CTNNA1: variants seen among roughly 807,000 people sequenced by gnomAD.
CTNNA1 encodes the protein catenin alpha-1.
Under a neutral mutation model 98.4 loss-of-function variants are expected in CTNNA1, and 37 were observed. That is an observed-to-expected ratio of 0.38 (90% CI 0.29 to 0.49). The LOEUF is 0.49. Among genes scored for constraint, CTNNA1 ranks in the 20% least tolerant of loss-of-function variants. The pLI, the probability that CTNNA1 is intolerant of heterozygous loss-of-function variation, is 0.95. For synonymous variants in CTNNA1, 404 were observed against 413.2 expected, an observed-to-expected ratio of 0.98 and a Z score of 0.27; for missense variants, 761 against 1,147.2, an observed-to-expected ratio of 0.66 and a Z score of 4.86.
At chr5:138,776,975 G>A (rs556485029) in intron 1 of CTNNA1, among the ~76,000 whole-genome samples, 392 of 149,062 alleles carry the variant, frequency 2.6e-3, no homozygotes, top group African/African-American at 9.1e-3. Context: ...CCTCCCGGAC[G>A]GGGCGGCTGG....
At chr5:138,805,782 T>C (rs920284280) in intron 3 of CTNNA1, among the ~76,000 whole-genome samples, 3 of 151,720 alleles carry the variant, frequency 2.0e-5, no homozygotes, top group Non-Finnish European at 4.4e-5. Flanking sequence ...ATAAGAGTTC[T>C]TTATATATTC....
chr5:138,806,950 C>T (rs1024683038), intron 3 of CTNNA1, among the ~76,000 whole-genome samples: 4 of 149,922 alleles, frequency 2.7e-5, no homozygotes, highest in Non-Finnish European at 5.9e-5. Context: ...ACCACTTACT[C>T]TCTAGGTGGG....
intron 1 of CTNNA1, among the ~76,000 whole-genome samples, chr5:138,771,470 C>G (rs1302521752): frequency 6.6e-6 from 1 of 152,164 alleles, no homozygotes; most frequent in Non-Finnish European, 1.5e-5. Flanking sequence ...CAGCCTTGAC[C>G]TCTTGGGTTC....
intron 7 of CTNNA1, among the ~76,000 whole-genome samples, chr5:138,829,715 G>T (rs757291046): frequency 3.3e-5 from 5 of 152,204 alleles, no homozygotes; most frequent in Admixed American, 6.5e-5. Flanking sequence ...CTGGAACAAT[G>T]TGTGATGTGA....
At chr5:138,906,092 A>G (rs1291415432) in intron 10 of CTNNA1, among the ~76,000 whole-genome samples, 2 of 149,644 alleles carry the variant, frequency 1.3e-5, no homozygotes, top group African/African-American at 4.9e-5. Flanking sequence ...CTCGGTGGTT[A>G]TTAATCTGTC....
chr5:138,811,297 G>A (rs1758749591), intron 4 of CTNNA1, among the ~76,000 whole-genome samples: 2 of 140,840 alleles, frequency 1.4e-5, no homozygotes, highest in Non-Finnish European at 3.1e-5. Context: ...GGGCAGAGGC[G>A]CTCCCCACAT....
intron 11 of CTNNA1, among the ~76,000 whole-genome samples, chr5:138,923,151 A>G (rs1240453891): frequency 6.6e-6 from 1 of 152,168 alleles, no homozygotes; most frequent in Non-Finnish European, 1.5e-5. Flanking sequence ...TGCAAGTTTC[A>G]TCTTAACGGT....
intron 3 of CTNNA1, among the ~76,000 whole-genome samples, chr5:138,785,797 G>A (rs771979685): frequency 3.3e-5 from 5 of 151,936 alleles, no homozygotes; most frequent in Admixed American, 6.6e-5. Context: ...GTATTGCCTT[G>A]TTGGCAGGCT....
intron 9 of CTNNA1, among the ~76,000 whole-genome samples, chr5:138,893,927 A>T (rs577154710): frequency 1.6e-5 from 2 of 128,876 alleles, no homozygotes; most frequent in African/African-American, 3.0e-5. Context: ...TGGCCTATTT[A>T]TTTTTTTTGA....
intron 7 of CTNNA1, chr5:138,870,410 T>C (rs1765228823): frequency 6.6e-6 from 1 of 152,232 alleles, no homozygotes; most frequent in Non-Finnish European, 1.5e-5. Context: ...TTAAAGGACA[T>C]TACCCAGAAA....
In CTNNA1 at chr5:138,764,382, C is replaced by A. The variant is rs200007176; in HGVS notation, c.-3+10872C>A. Among the ~76,000 whole-genome samples the A allele has an allele frequency of 2.0e-5, 3 of 152,056 alleles. No individual in the cohort carries two copies. The East Asian group carries it at 5.8e-4, about 29-fold the overall frequency. On this transcript the variant is annotated intron_variant, in intron 1 of 17. Coordinates refer to ENST00000302763, the MANE Select transcript of CTNNA1 (RefSeq NM_001903.5). ...ACTCTGTCTCAACAAAAAAAAGAAACCTTCCATTTTGCAGAGAGGTAACTA... is the reference window on the plus strand; with the variant it reads ...ACTCTGTCTCAACAAAAAAAAGAAAACTTCCATTTTGCAGAGAGGTAACTA...
intron 1 of CTNNA1, among the ~76,000 whole-genome samples, chr5:138,765,023 G>T (rs1335042045): frequency 3.3e-5 from 5 of 151,688 alleles, no homozygotes; most frequent in African/African-American, 4.8e-5. Context: ...ACAGGTGCCT[G>T]CCACCATGCC....
At chr5:138,875,968 A>G (rs1029360896) in intron 7 of CTNNA1, among the ~76,000 whole-genome samples, 1 of 151,998 alleles carries the variant, frequency 6.6e-6, no homozygotes, top group African/African-American at 2.4e-5. Context: ...TTTCAGGGGA[A>G]CTCTAAAAAG....
intron 7 of CTNNA1, among the ~76,000 whole-genome samples, chr5:138,840,003 C>T (rs1437199602): frequency 6.6e-6 from 1 of 152,180 alleles, no homozygotes; most frequent in Non-Finnish European, 1.5e-5. Flanking sequence ...TGTAATCTCC[C>T]CAGGGCAGCT....
intron 7 of CTNNA1, chr5:138,880,929 T>C (rs1752753897): frequency 5.0e-6 from 2 of 401,740 alleles, no homozygotes; most frequent in South Asian, 1.8e-5. Flanking sequence ...ACAAGTGATA[T>C]GGCAAGGAAA....
chr5:138,797,885 TA>T (rs11445059), intron 3 of CTNNA1, among the ~76,000 whole-genome samples: 12 of 150,200 alleles, frequency 8.0e-5, no homozygotes, highest in African/African-American at 1.7e-4. Context: ...AAAAAACTGC[TA>T]AAAAAAAAAT....
intron 1 of CTNNA1, among the ~76,000 whole-genome samples, chr5:138,768,105 A>G (rs1753131080): frequency 6.6e-6 from 1 of 152,246 alleles, no homozygotes. Context: ...TTTAAAAATC[A>G]GGAATCAATA....
intron 5 of CTNNA1, among the ~76,000 whole-genome samples, chr5:138,820,193 G>A (rs1479753008): frequency 1.3e-5 from 2 of 152,040 alleles, no homozygotes; most frequent in Non-Finnish European, 2.9e-5. Flanking sequence ...GGCCCCATGA[G>A]TAAGGGTATA....
chr5:138,795,284 A>AC (rs1329693720), intron 3 of CTNNA1, among the ~76,000 whole-genome samples: 4 of 151,730 alleles, frequency 2.6e-5, no homozygotes, highest in East Asian at 1.9e-4. Context: ...ACATGGTGAG[A>AC]CCCCGTCTAC....
Sources: gnomAD v4.1 joint callset for allele counts (sites outside exome capture counted in the v4.1 genomes callset) on GRCh38, gnomAD v4.1.1 for gene constraint, MANE v1.5 for transcripts, NCBI Gene and HGNC (gene_info 2026-07-23, HGNC 2026-07-21) for gene names.